KIZ: variants seen among roughly 807,000 people sequenced by gnomAD.
KIZ encodes kizuna centrosomal protein.
A neutral mutation model predicts 79.6 loss-of-function variants in KIZ; 68 were observed. The observed-to-expected ratio is 0.85, with a 90% confidence interval of 0.70 to 1.05. KIZ has a LOEUF of 1.05. KIZ is among the 50% of genes least tolerant of loss of function. The probability of loss-of-function intolerance (pLI) is 0.00; values close to 1 mark genes in which losing one functional copy is unlikely to be tolerated. For missense variants in KIZ, 797 were observed against 800.4 expected, an observed-to-expected ratio of 1.00 and a Z score of 0.05; for synonymous variants, 280 against 281.8, an observed-to-expected ratio of 0.99 and a Z score of 0.06.
intron 4 of KIZ, chr20:21,151,785 CAT>C (rs1218015487): frequency 4.6e-5 from 7 of 152,198 alleles, no homozygotes; most frequent in Admixed American, 4.6e-4. Context: ...TGAATACACA[CAT>C]ATGCTTTGTG....
chr20:21,200,118 C>G (rs16982569), intron 6 of KIZ, among the ~76,000 whole-genome samples: 2,219 of 152,256 alleles, frequency 0.015, 49 homozygotes, highest in African/African-American at 0.05. Flanking sequence ...ATCACACTGG[C>G]CTAGTGTCAT....
intron 1 of KIZ, among the ~76,000 whole-genome samples, chr20:21,130,024 A>T (rs2122280838): frequency 6.6e-6 from 1 of 152,242 alleles, no homozygotes; most frequent in East Asian, 1.9e-4. Flanking sequence ...CTTGTACATG[A>T]TCACACCATA....
intron 2 of KIZ, among the ~76,000 whole-genome samples, 170 bp from the exon 3 acceptor site, chr20:21,136,220 A>G (rs2032177888): frequency 6.6e-6 from 1 of 151,448 alleles, no homozygotes; most frequent in African/African-American, 2.4e-5. Context: ...TGCTGCATTA[A>G]CTTTCTCTCT....
intron 2 of KIZ, among the ~76,000 whole-genome samples, chr20:21,133,499 T>C (rs1228619068): frequency 6.6e-6 from 1 of 152,204 alleles, no homozygotes; most frequent in East Asian, 1.9e-4. Flanking sequence ...GGCCTTCTGG[T>C]GGTGGGAGGG....
At chr20:21,158,500 A>T (rs1004570285) in intron 4 of KIZ, 2 of 152,214 alleles carry the variant, frequency 1.3e-5, no homozygotes, top group Admixed American at 1.3e-4. Flanking sequence ...CTTCAATAGC[A>T]GACTGTTTAC....
chr20:21,214,406 A>G (rs1212188292), intron 7 of KIZ, 129 bp from the exon 8 acceptor site: 65 of 606,912 alleles, frequency 1.1e-4, no homozygotes, highest in Non-Finnish European at 2.2e-5. Flanking sequence ...TTTCATTTAA[A>G]TGTGGGAAAC....
In KIZ at chr20:21,228,988, CTG is replaced by C. The variant is rs758731828; in HGVS notation, c.1679-19_1679-18del. 1.4e-5 allele frequency: 19 copies of C among 1,346,988 alleles called. No individual in the cohort carries two copies. The South Asian group carries it at 2.3e-4, about 17-fold the overall frequency. The allele number at this position is 1,346,988 out of a possible 1,614,324, so 83.4% of individuals were successfully genotyped here. A position where few individuals can be genotyped will look rare whatever the true frequency, so the allele number is the denominator to read the frequency against. On this transcript the variant is annotated intron_variant, in intron 9 of 12. Coordinates refer to ENST00000619189, the MANE Select transcript of KIZ (RefSeq NM_018474.6). ...CTGGCCAGTAAAAAATGTAATATTT[CTG>C]TGTTTTTCTTTAATCAACAGAAACA...
At chr20:21,134,276 C>T (rs1029159818) in intron 2 of KIZ, among the ~76,000 whole-genome samples, 13 of 152,310 alleles carry the variant, frequency 8.5e-5, no homozygotes, top group African/African-American at 2.2e-4. Flanking sequence ...CTGACTGAAA[C>T]GTCAGGCTCT....
intron 1 of KIZ, among the ~76,000 whole-genome samples, chr20:21,129,958 T>A (rs1303400061): frequency 1.3e-5 from 2 of 152,154 alleles, no homozygotes; most frequent in African/African-American, 2.4e-5. Context: ...AGTGCATATA[T>A]GATGCCTCAT....
intron 7 of KIZ, among the ~76,000 whole-genome samples, chr20:21,209,291 T>A (rs528142434): frequency 6.6e-6 from 1 of 152,246 alleles, no homozygotes; most frequent in Non-Finnish European, 1.5e-5. Context: ...ATTGGAAAAA[T>A]TTGTAATTAC....
chr20:21,245,041 A>G (rs899884363), intron 12 of KIZ: 2 of 152,496 alleles, frequency 1.3e-5, no homozygotes, highest in East Asian at 1.9e-4. Flanking sequence ...CCCTCCTACC[A>G]TAACACTGTG....
chr20:21,178,642 C>G (rs1235597023), intron 6 of KIZ, among the ~76,000 whole-genome samples: 1 of 152,136 alleles, frequency 6.6e-6, no homozygotes, highest in African/African-American at 2.4e-5. Flanking sequence ...GCATCCTTGT[C>G]TTGTTCGTGA....
chr20:21,181,182 G>A (rs988711254), intron 6 of KIZ, among the ~76,000 whole-genome samples: 4 of 152,128 alleles, frequency 2.6e-5, no homozygotes, highest in Non-Finnish European at 4.4e-5. Flanking sequence ...TGGCTCACAT[G>A]CCAGCAAACA....
At chr20:21,190,043 G>C (rs1340456706) in intron 6 of KIZ, among the ~76,000 whole-genome samples, 1 of 152,222 alleles carries the variant, frequency 6.6e-6, no homozygotes, top group Non-Finnish European at 1.5e-5. Flanking sequence ...ACTGTTTTGT[G>C]TGGCAAACAA....
chr20:21,189,310 G>A (rs57470206), intron 6 of KIZ, among the ~76,000 whole-genome samples: 2,210 of 152,148 alleles, frequency 0.015, 48 homozygotes, highest in African/African-American at 0.05. Flanking sequence ...ACCCCTATTC[G>A]GTTAAAGGGG....
chr20:21,182,411 A>G (rs927488865), intron 6 of KIZ, among the ~76,000 whole-genome samples: 1 of 152,166 alleles, frequency 6.6e-6, no homozygotes, highest in Non-Finnish European at 1.5e-5. Flanking sequence ...CATCTTGTTG[A>G]CTAAAATTTG....
rs545780765 is a variant in KIZ at position 21,201,523 on chromosome 20, C to T, written c.1353-3968C>T. On this transcript the variant is annotated intron_variant, in intron 6 of 12. Transcript: ENST00000619189. The stretch of plus-strand genomic sequence containing the variant: ...TTTGGATTATAGTATATGAAAATCT[C>T]TATTTTAGTCTGCCTGTGTTCAGAA... Among the ~76,000 whole-genome samples, 12 of 152,194 alleles carry T rather than the reference C, an allele frequency of 7.9e-5. No homozygotes were observed. In the East Asian group the frequency reaches 2.3e-3, roughly 29 times the overall value.
At chr20:21,199,180 C>T (rs2035484433) in intron 6 of KIZ, among the ~76,000 whole-genome samples, 1 of 152,128 alleles carries the variant, frequency 6.6e-6, no homozygotes, top group African/African-American at 2.4e-5. Flanking sequence ...GATGTCTGCA[C>T]CTACTAGACT....
At chr20:21,127,637 G>A (rs2122248763) in intron 1 of KIZ, among the ~76,000 whole-genome samples, 1 of 152,314 alleles carries the variant, frequency 6.6e-6, no homozygotes. Context: ...CTGTTGCTGT[G>A]TGTGTTCATT....
Sources: gnomAD v4.1 joint callset for allele counts (sites outside exome capture counted in the v4.1 genomes callset) on GRCh38, gnomAD v4.1.1 for gene constraint, MANE v1.5 for transcripts, NCBI Gene and HGNC (gene_info 2026-07-23, HGNC 2026-07-21) for gene names.